Variants in TMCC2 observed in about 807,000 individuals in gnomAD.
The protein encoded by TMCC2 is transmembrane and coiled-coil domains protein 2.
A neutral mutation model predicts 49.4 loss-of-function variants in TMCC2; 16 were observed. The ratio of observed to expected loss-of-function variants is 0.32; its 90% CI spans 0.22 to 0.49. TMCC2 has a LOEUF of 0.49. Among genes scored for constraint, TMCC2 ranks in the 20% least tolerant of loss-of-function variants. The pLI, the probability that TMCC2 is intolerant of heterozygous loss-of-function variation, is 0.99. For synonymous variants in TMCC2, 397 were observed against 434.1 expected, an observed-to-expected ratio of 0.91 and a Z score of 1.06; for missense variants, 762 against 989.8, an observed-to-expected ratio of 0.77 and a Z score of 3.09.
chr1:205,258,487 A>T (rs1660968913), intron 2 of TMCC2, among the ~76,000 whole-genome samples: 1 of 152,028 alleles, frequency 6.6e-6, no homozygotes, highest in Non-Finnish European at 1.5e-5. Flanking sequence ...AATTAAACCG[A>T]TAGGTAGGCT....
At chr1:205,236,367 T>C (rs1482055259) in intron 1 of TMCC2, 2 of 152,248 alleles carry the variant, frequency 1.3e-5, no homozygotes, top group African/African-American at 2.4e-5. Flanking sequence ...GAAAAGGCTG[T>C]TGGAGCATTT....
At chr1:205,252,500 A>T (rs1462502822) in intron 2 of TMCC2, among the ~76,000 whole-genome samples, 1 of 152,182 alleles carries the variant, frequency 6.6e-6, no homozygotes, top group Non-Finnish European at 1.5e-5. Context: ...CTTTGGTCAC[A>T]TGGGTTTCTA....
chr1:205,237,222 C>T (rs187947018), intron 1 of TMCC2, among the ~76,000 whole-genome samples: 47 of 152,224 alleles, frequency 3.1e-4, no homozygotes, highest in East Asian at 2.5e-3. Flanking sequence ...ACTCAGGCTC[C>T]CCACCCAGAG....
chr1:205,228,963 C>A (rs938696499), intron 1 of TMCC2, 192 bp downstream of exon 1: 26 of 1,405,456 alleles, frequency 1.8e-5, no homozygotes, highest in Middle Eastern at 2.6e-4. Flanking sequence ...AGCTCCGTGT[C>A]AGGTCTCTGT....
intron 1 of TMCC2, among the ~76,000 whole-genome samples, chr1:205,237,045 T>C (rs1318186): frequency 2.0e-5 from 3 of 151,706 alleles, no homozygotes; most frequent in Admixed American, 6.6e-5. Context: ...GTTTTTTTTT[T>C]AAAATTTCAT....
chr1:205,231,254 T>C (rs1175184121), intron 1 of TMCC2, among the ~76,000 whole-genome samples: 1 of 152,110 alleles, frequency 6.6e-6, no homozygotes. Context: ...TCCGAGCCTT[T>C]TTCTGGTGAA....
chr1:205,232,342 C>CTGCTCCTGTTG (rs1659832255), intron 1 of TMCC2, among the ~76,000 whole-genome samples: 1 of 152,240 alleles, frequency 6.6e-6, no homozygotes, highest in African/African-American at 2.4e-5. Flanking sequence ...AGTAGACATC[C>CTGCTCCTGTTG]TGCAACAGGA....
At chr1:205,267,169 G>A (rs1353187822) in intron 2 of TMCC2, among the ~76,000 whole-genome samples, 2 of 152,206 alleles carry the variant, frequency 1.3e-5, no homozygotes, top group Non-Finnish European at 2.9e-5. Context: ...GGATGGGGTT[G>A]TGGTTGTCCA....
chr1:205,233,508 C>T (rs980965775), intron 1 of TMCC2, among the ~76,000 whole-genome samples: 1 of 152,172 alleles, frequency 6.6e-6, no homozygotes, highest in Non-Finnish European at 1.5e-5. Flanking sequence ...TGCTGGCTCT[C>T]CGCCTTTCCT....
intron 2 of TMCC2, among the ~76,000 whole-genome samples, chr1:205,261,462 A>G (rs1016310157): frequency 6.6e-6 from 1 of 152,000 alleles, no homozygotes; most frequent in Admixed American, 6.6e-5. Context: ...TTTGGCCTCC[A>G]AAAGTGCTGG....
chr1:205,253,218 G>T (rs1416516199), intron 2 of TMCC2, among the ~76,000 whole-genome samples: 2 of 151,570 alleles, frequency 1.3e-5, no homozygotes. Context: ...CAAAGGAAGA[G>T]AAAATAAAAA....
chr1:205,243,810 G>A (rs138174719), intron 2 of TMCC2, among the ~76,000 whole-genome samples: 4 of 152,296 alleles, frequency 2.6e-5, no homozygotes, highest in Admixed American at 6.5e-5. Flanking sequence ...TGCTCTGGGA[G>A]CTGGCGCTGA....
intron 1 of TMCC2, among the ~76,000 whole-genome samples, chr1:205,229,427 C>G (rs1271995787): frequency 6.6e-6 from 1 of 151,148 alleles, no homozygotes; most frequent in Non-Finnish European, 1.5e-5. Flanking sequence ...CTCAGGTGAT[C>G]TACCCGCCTC....
intron 1 of TMCC2, among the ~76,000 whole-genome samples, chr1:205,239,168 G>GA (rs1660171065): frequency 6.6e-6 from 1 of 152,222 alleles, no homozygotes; most frequent in Non-Finnish European, 1.5e-5. Flanking sequence ...GGAATGGGGG[G>GA]AGAAGAGGAA....
chr1:205,229,561 G>T, intron 1 of TMCC2: 3 of 701,298 alleles, frequency 4.3e-6, no homozygotes, highest in Non-Finnish European at 4.9e-6. Context: ...GGGGGGGGTG[G>T]TGGCGGGGGC....
intron 1 of TMCC2, chr1:205,233,980 C>T (rs1334935683): frequency 6.6e-6 from 1 of 151,900 alleles, no homozygotes; most frequent in Non-Finnish European, 1.5e-5. Context: ...ATGTACGTTC[C>T]CTGGGGCTCT....
At chr1:205,229,487 C>CATT in intron 1 of TMCC2, 1 of 359,364 alleles carries the variant, frequency 2.8e-6, no homozygotes, top group Non-Finnish European at 3.7e-6. Context: ...TGCCGGGCCC[C>CATT]ATTGGGATCT....
At chr1:205,266,240 CAAA>C (rs35034505) in intron 2 of TMCC2, among the ~76,000 whole-genome samples, 3 of 49,262 alleles carry the variant, frequency 6.1e-5, no homozygotes, top group Middle Eastern at 0.012. Context: ...GACTCTGTCT[CAAA>C]AAAAAAAAAA....
At chr1:205,262,728 C>T (rs1661164798) in intron 2 of TMCC2, among the ~76,000 whole-genome samples, 1 of 152,190 alleles carries the variant, frequency 6.6e-6, no homozygotes, top group Admixed American at 6.5e-5. Context: ...AGGAGTGTCT[C>T]AGTGCAGGCT....
Sources: gnomAD v4.1 joint callset for allele counts (sites outside exome capture counted in the v4.1 genomes callset) on GRCh38, gnomAD v4.1.1 for gene constraint, MANE v1.5 for transcripts, NCBI Gene and HGNC (gene_info 2026-07-23, HGNC 2026-07-21) for gene names.